LCA5L: variants seen among roughly 807,000 people sequenced by gnomAD.
The protein encoded by LCA5L is lebercilin-like protein.
Under a neutral mutation model 45.4 loss-of-function variants are expected in LCA5L, and 35 were observed. The observed-to-expected ratio is 0.77, with a 90% CI of 0.59 to 1.02. LCA5L has a LOEUF of 1.02. Among genes scored for constraint, LCA5L ranks in the 50% least tolerant of loss-of-function variants. The pLI, the probability that LCA5L is intolerant of heterozygous loss-of-function variation, is 0.00. For synonymous variants in LCA5L, 233 were observed against 264.7 expected, an observed-to-expected ratio of 0.88 and a Z score of 1.16; for missense variants, 668 against 761.6, an observed-to-expected ratio of 0.88 and a Z score of 1.45.
chr21:39,422,247 A>C (rs2073897092), intron 6 of LCA5L: 2 of 152,234 alleles, frequency 1.3e-5, no homozygotes, highest in South Asian at 4.1e-4. Flanking sequence ...TAAATCCTAA[A>C]TTAATTCCAT....
chr21:39,430,242 C>T (rs955348059), intron 3 of LCA5L, among the ~76,000 whole-genome samples: 2 of 152,186 alleles, frequency 1.3e-5, no homozygotes, highest in Non-Finnish European at 2.9e-5. Flanking sequence ...GGTTGCTAAT[C>T]CGCAAGAAGA....
rs1284913740 is a variant in LCA5L at position 39,405,889 on chromosome 21, ATTAT to A, written c.2002_2005del (p.Ile668LeufsTer26). On this transcript the variant is annotated frameshift_variant, in exon 11 of 11. Transcript: ENST00000288350. LOFTEE classifies it high-confidence loss of function. ...TTAGGATATTGATTATATTTAAATA[ATTAT>A]TTTTCTTTTTCCTTCTGTAGGTGAC... is the stretch of plus-strand genomic sequence containing the variant. 1.9e-6 allele frequency: 3 copies of A among 1,573,692 alleles called. No homozygotes were observed. Among genetic ancestry groups the A allele is most frequent in the Non-Finnish European group, 2.6e-6 (3 of 1,152,302 alleles).
At position 39,410,116 on chromosome 21, in the gene LCA5L, C is replaced by CA. The variant is rs1382130002; in HGVS notation, c.1165-21dup. The stretch of plus-strand genomic sequence containing the variant: ...TTTACCCTGTAATTTAGAAAAGCAG[C>CA]AAAAACACATTTTGGGGGGTCTAGA... On this transcript the variant is annotated intron_variant, in intron 9 of 10. Coordinates refer to ENST00000288350, the MANE Select transcript of LCA5L (RefSeq NM_152505.4). 6.5e-7 allele frequency: 1 copy of CA among 1,528,134 alleles called. No individual in the cohort carries two copies. Among genetic ancestry groups the CA allele is most frequent in the Admixed American group, 1.7e-5 (1 of 59,206 alleles). The allele number at this position is 1,528,134 out of a possible 1,614,324, so 94.7% of individuals were successfully genotyped here.
At chr21:39,433,232 C>T (rs1159880571) in intron 3 of LCA5L, among the ~76,000 whole-genome samples, 1 of 151,988 alleles carries the variant, frequency 6.6e-6, no homozygotes, top group Non-Finnish European at 1.5e-5. Context: ...GCCTGGCCAA[C>T]AAATTTAAAC....
intron 5 of LCA5L, chr21:39,427,617 G>A (rs1226750255): frequency 2.7e-5 from 4 of 150,212 alleles, no homozygotes; most frequent in South Asian, 2.1e-4. Flanking sequence ...AGCCGAGATG[G>A]CGCCACTGCA....
chr21:39,420,796 C>T lies in LCA5L; in HGVS notation c.885G>A (p.Gln295=). The change falls in exon 7 of 11, where the codon CAG becomes CAA. Residue 295 remains glutamine, a synonymous_variant. Coordinates refer to ENST00000288350, the MANE Select transcript of LCA5L (RefSeq NM_152505.4). ...AAGTCTTCCGAGTCTCAATAGCCAG[C>T]TGCCGGCTAAAGGCTCTGCAGTTCA... is the stretch of plus-strand genomic sequence containing the variant. ...LRLNCRAFSR[Q]LAIETRKTLA... is the part of the protein sequence containing the mutation. 1 of 1,613,328 alleles carries T rather than the reference C, an allele frequency of 6.2e-7. No individual in the cohort carries two copies. The highest frequency in any genetic ancestry group is 8.5e-7 in the Non-Finnish European group (1 of 1,179,356).
chr21:39,432,057 T>G (rs2075789337), intron 3 of LCA5L, among the ~76,000 whole-genome samples: 1 of 152,216 alleles, frequency 6.6e-6, no homozygotes, highest in African/African-American at 2.4e-5. Context: ...ACTGAATTTT[T>G]GGGAGCTTAC....
intron 6 of LCA5L, 80 bp from the exon 7 acceptor site, chr21:39,420,923 T>C (rs1168624631): frequency 2.7e-6 from 3 of 1,107,464 alleles, no homozygotes; most frequent in Non-Finnish European, 4.0e-6. Context: ...ACTAACTACA[T>C]TTATGAAAAG....
chr21:39,410,178 TA>T lies in LCA5L; in HGVS notation c.1165-83del. On this transcript the variant is annotated intron_variant, in intron 9 of 10. Transcript: ENST00000288350. ...TGCATTTTATTCTAATGACTACAAA[TA>T]CTTTTCACATAGAACAAGTGACTGT... The T allele has an allele frequency of 7.2e-6, 9 of 1,248,138 alleles. No individual in the cohort carries two copies. In the South Asian group the frequency reaches 1.1e-4, roughly 15 times the overall value. The allele number at this position is 1,248,138 out of a possible 1,614,324, so 77.3% of individuals were successfully genotyped here. A position where few individuals can be genotyped will look rare whatever the true frequency, so the allele number is the denominator to read the frequency against.
At chr21:39,430,918 CCT>C (rs1427627655) in intron 3 of LCA5L, among the ~76,000 whole-genome samples, 1 of 152,152 alleles carries the variant, frequency 6.6e-6, no homozygotes, top group Non-Finnish European at 1.5e-5. Flanking sequence ...AAAATGCAAG[CCT>C]CTCACAGAAG....
chr21:39,419,344 G>A (rs2041864044), intron 7 of LCA5L, among the ~76,000 whole-genome samples: 1 of 151,996 alleles, frequency 6.6e-6, no homozygotes, highest in Admixed American at 6.6e-5. Context: ...GGGCAACACA[G>A]CGAGACCCCG....
rs771824976 is a variant in LCA5L at position 39,428,311 on chromosome 21, T to TA, written c.182dup (p.Leu61PhefsTer6). The TA allele has an allele frequency of 1.4e-5, 22 of 1,613,258 alleles. No individual in the cohort carries two copies. Among genetic ancestry groups the TA allele is most frequent in the Non-Finnish European group, 1.9e-5 (22 of 1,179,578 alleles). The stretch of plus-strand genomic sequence containing the variant: ...CTTCTGAATAATCATACTGAGAACT[T>TA]AAACTTCCACAGGAGCACTGAGATC... On this transcript the variant is annotated frameshift_variant, in exon 5 of 11. Transcript: ENST00000288350. LOFTEE classifies it high-confidence loss of function.
rs747927118 is a variant in LCA5L at position 39,428,203 on chromosome 21, C to T, written c.291G>A (p.Lys97=). ...QPVVKEKEKK[K]YNVSKISQSK... ...ATTGGGAGATTTTAGAAACATTATA[C>T]TTTTTCTTCTCCTTTTCTTTTACCA... The change falls in exon 5 of 11, where the codon AAG becomes AAA. Residue 97 remains lysine, a synonymous_variant. Coordinates refer to ENST00000288350, the MANE Select transcript of LCA5L (RefSeq NM_152505.4). The T allele has an allele frequency of 3.8e-5, 60 of 1,595,950 alleles. 1 individual carries two copies. In the Admixed American group the frequency reaches 9.9e-4, roughly 26 times the overall value.
At chr21:39,421,002 G>A (rs147951024) in intron 6 of LCA5L, among the ~76,000 whole-genome samples, 159 bp from the exon 7 acceptor site, 2 of 151,858 alleles carry the variant, frequency 1.3e-5, no homozygotes, top group African/African-American at 2.4e-5. Flanking sequence ...AAGTATAACC[G>A]AAAGAAAGAC....
At chr21:39,444,519 T>A (rs1356832488) in intron 1 of LCA5L, 2 of 152,192 alleles carry the variant, frequency 1.3e-5, no homozygotes, top group Admixed American at 1.3e-4. Context: ...TATATAATCC[T>A]TTAAAAAACT....
rs920486019 is a variant in LCA5L, at chr21:39,426,060, G to T, written c.322+2112C>A. The T allele has an allele frequency of 3.5e-4, 54 of 152,200 alleles. 1 individual carries two copies. The highest frequency in any genetic ancestry group is 1.3e-3 in the African/African-American group (52 of 41,422). 9.4% of individuals were successfully genotyped at this position (152,200 alleles called of 1,614,324 possible). A position where few individuals can be genotyped will look rare whatever the true frequency, so the allele number is the denominator to read the frequency against. On this transcript the variant is annotated intron_variant, in intron 5 of 10. Coordinates refer to ENST00000288350, the MANE Select transcript of LCA5L (RefSeq NM_152505.4). Reference sequence around the variant, plus strand: ...GTAAGTGGTAAAAATGAAGGGCAGAGGCTTCTCCCCCAGTATTCTTCTTTG... The same window carrying T: ...GTAAGTGGTAAAAATGAAGGGCAGATGCTTCTCCCCCAGTATTCTTCTTTG...
In LCA5L at chr21:39,420,762, G is replaced by C. The variant is rs200548913; in HGVS notation, c.919C>G (p.Gln307Glu). The change falls in exon 7 of 11, where the codon CAG becomes GAG. Residue 307 changes from glutamine to glutamate, a missense_variant. Transcript: ENST00000288350. ...AIETRKTLAAQTATKTLQVEV... is the reference protein window; with the variant it reads ...AIETRKTLAAETATKTLQVEV... ...ACCTGCAGAGTCTTGGTAGCTGTCTGAGCTGCTAAAGTCTTCCGAGTCTCA... is the reference window on the plus strand; with the variant it reads ...ACCTGCAGAGTCTTGGTAGCTGTCTCAGCTGCTAAAGTCTTCCGAGTCTCA... 38 of 1,613,546 alleles carry C rather than the reference G, an allele frequency of 2.4e-5. No homozygotes were observed. Among genetic ancestry groups the C allele is most frequent in the Non-Finnish European group, 3.1e-5 (36 of 1,179,532 alleles).
intron 10 of LCA5L, chr21:39,407,935 A>G (rs1202073628): frequency 6.6e-6 from 1 of 152,198 alleles, no homozygotes; most frequent in East Asian, 1.9e-4. Flanking sequence ...CTGTCAAACT[A>G]CTGTGTTATT....
At chr21:39,425,766 G>A (rs2074578148) in intron 5 of LCA5L, 2 of 152,600 alleles carry the variant, frequency 1.3e-5, no homozygotes, top group South Asian at 2.1e-4. Context: ...CCAGCTCTTA[G>A]GTGCTCTGAC....
Sources: allele counts gnomAD v4.1 joint callset (sites outside exome capture counted in the v4.1 genomes callset), GRCh38; gene constraint gnomAD v4.1.1; transcripts MANE v1.5; gene names NCBI Gene and HGNC (gene_info 2026-07-23, HGNC 2026-07-21).